FNIP2: variants seen among roughly 807,000 people sequenced by gnomAD.
FNIP2 encodes folliculin-interacting protein 2.
FNIP2 carries 32 observed loss-of-function variants against 108.7 expected under a neutral mutation model. That is an observed-to-expected ratio of 0.29 (90% CI 0.22 to 0.40). The LOEUF (loss-of-function observed/expected upper bound fraction) is 0.40. FNIP2 is among the 10% of genes least tolerant of loss of function. The probability of loss-of-function intolerance (pLI) is 1.00; values close to 1 mark genes in which losing one functional copy is unlikely to be tolerated. For synonymous variants in FNIP2, 480 were observed against 496.7 expected (o/e 0.97, Z 0.45); for missense variants, 1,202 against 1,381.6 (o/e 0.87, Z 2.06).
In FNIP2 at chr4:158,907,757, T is replaced by A. The variant is rs1254155413; in HGVS notation, c.*3213T>A. On this transcript the variant is annotated 3_prime_UTR_variant, in exon 17 of 17. Coordinates refer to ENST00000264433, the MANE Select transcript of FNIP2 (RefSeq NM_020840.3). ...AGGGTATTTTAATATAATTTTTGCC[T>A]AAATCAAGAAGTCCCCTCTGAATGT... is the stretch of plus-strand genomic sequence containing the variant. 6.6e-6 allele frequency: 1 copy of A among 152,210 alleles called. No individual in the cohort carries two copies. Among genetic ancestry groups the A allele is most frequent in the Non-Finnish European group, 1.5e-5 (1 of 68,022 alleles). The allele number at this position is 152,210 out of a possible 1,614,324, so 9.4% of individuals were successfully genotyped here. A position where few individuals can be genotyped will look rare whatever the true frequency, so the allele number is the denominator to read the frequency against.
intron 7 of FNIP2, chr4:158,835,754 A>C: frequency 4.0e-6 from 1 of 248,996 alleles, no homozygotes; most frequent in East Asian, 9.3e-5. Context: ...AGCCCATTGT[A>C]CTAGTAATGT....
intron 1 of FNIP2, among the ~76,000 whole-genome samples, chr4:158,811,237 T>TA (rs1391556174): frequency 3.3e-5 from 5 of 152,334 alleles, no homozygotes; most frequent in Non-Finnish European, 7.4e-5. Flanking sequence ...AAAGGTTTTT[T>TA]AAAAAAACTA....
intron 7 of FNIP2, among the ~76,000 whole-genome samples, chr4:158,847,668 T>C (rs1260896502): frequency 6.6e-6 from 1 of 151,964 alleles, no homozygotes; most frequent in Non-Finnish European, 1.5e-5. Flanking sequence ...AGGTTGGCCA[T>C]AGTGGGGTAG....
intron 3 of FNIP2, among the ~76,000 whole-genome samples, chr4:158,831,479 C>G (rs1778479240): frequency 6.6e-6 from 1 of 152,118 alleles, no homozygotes; most frequent in Non-Finnish European, 1.5e-5. Context: ...AATACCGAAC[C>G]ATATTTTTTT....
rs1366653918 is a variant in FNIP2 at position 158,859,398 on chromosome 4, G to C, written c.1059+140G>C. ...AGCAGTGATAAATTTTAGGCATGTT[G>C]ATGTTAGTTACCAGATACTGGGTTA... On this transcript the variant is annotated intron_variant, in intron 9 of 16. Coordinates refer to ENST00000264433, the MANE Select transcript of FNIP2 (RefSeq NM_020840.3). The C allele has an allele frequency of 6.3e-6, 7 of 1,104,826 alleles. No homozygotes were observed. The East Asian group carries it at 1.8e-4, about 29-fold the overall frequency. 68.4% of individuals were successfully genotyped at this position (1,104,826 alleles called of 1,614,324 possible).
intron 7 of FNIP2, among the ~76,000 whole-genome samples, chr4:158,845,857 G>A (rs1165603465): frequency 1.3e-5 from 2 of 152,136 alleles, no homozygotes; most frequent in South Asian, 2.1e-4. Context: ...ATGAGGAAAC[G>A]CTGGATAGCA....
chr4:158,805,064 C>G (rs1051645414), intron 1 of FNIP2, among the ~76,000 whole-genome samples: 4 of 152,180 alleles, frequency 2.6e-5, no homozygotes, highest in Admixed American at 6.5e-5. Flanking sequence ...TAGTTTTTCT[C>G]ACACTCATGG....
rs1269225175 is a variant in FNIP2, at chr4:158,868,811, A to G, written c.2175A>G (p.Ala725=). Reference sequence around the variant, plus strand: ...TCACTTTCCAGATTGGAAGCTTTGCATCTCCAGAGTCTGACTTTGAAAGCC... The same window carrying G: ...TCACTTTCCAGATTGGAAGCTTTGCGTCTCCAGAGTCTGACTTTGAAAGCC... ...EKVTFQIGSF[A]SPESDFESRM... The change falls in exon 13 of 17, where the codon GCA becomes GCG. Residue 725 remains alanine, a synonymous_variant. Transcript: ENST00000264433. This position sits in a 1 kb window ranked among gnomAD's most constrained non-coding sequence, Gnocchi z 4.6. The G allele has an allele frequency of 4.3e-6, 7 of 1,613,614 alleles. No homozygotes were observed. Among genetic ancestry groups the G allele is most frequent in the Non-Finnish European group, 5.9e-6 (7 of 1,179,898 alleles).
chr4:158,782,927 G>A (rs1776102546), intron 1 of FNIP2, among the ~76,000 whole-genome samples: 1 of 152,182 alleles, frequency 6.6e-6, no homozygotes, highest in Non-Finnish European at 1.5e-5. Flanking sequence ...AAGCAGTCTA[G>A]TTCCAGTAGG....
chr4:158,825,802 A>C lies in FNIP2; in HGVS notation c.108-114A>C, dbSNP rs551688072. The C allele has an allele frequency of 2.3e-4, 293 of 1,288,158 alleles. No homozygotes were observed. In the South Asian group the frequency reaches 2.9e-3, roughly 13 times the overall value. The allele number at this position is 1,288,158 out of a possible 1,614,324, so 79.8% of individuals were successfully genotyped here. On this transcript the variant is annotated intron_variant, in intron 1 of 16. Coordinates refer to ENST00000264433, the MANE Select transcript of FNIP2 (RefSeq NM_020840.3). ...GTTCTGAGGGGATCACTAGCCCTGCATGCTTGTGGCCTTTTGATGTGCACA... is the reference window on the plus strand; with the variant it reads ...GTTCTGAGGGGATCACTAGCCCTGCCTGCTTGTGGCCTTTTGATGTGCACA...
At chr4:158,810,722 G>T (rs1777223772) in intron 1 of FNIP2, among the ~76,000 whole-genome samples, 1 of 152,162 alleles carries the variant, frequency 6.6e-6, no homozygotes. Flanking sequence ...ACATAACAGG[G>T]TAAAGCACTT....
intron 16 of FNIP2, among the ~76,000 whole-genome samples, chr4:158,902,716 C>A (rs1056232434): frequency 6.6e-6 from 1 of 152,244 alleles, no homozygotes; most frequent in African/African-American, 2.4e-5. Context: ...CAGTCTGGCC[C>A]CAGTGGCCTT....
intron 1 of FNIP2, among the ~76,000 whole-genome samples, chr4:158,809,745 A>T (rs1045592305): frequency 6.6e-6 from 1 of 152,228 alleles, no homozygotes; most frequent in African/African-American, 2.4e-5. Flanking sequence ...AAAGGAACTG[A>T]AACAGAGCAC....
chr4:158,881,733 G>A (rs530818428), intron 14 of FNIP2, among the ~76,000 whole-genome samples: 2 of 152,322 alleles, frequency 1.3e-5, no homozygotes, highest in South Asian at 2.1e-4. Context: ...GATTGCAGAC[G>A]GAGTCTCGTT....
At chr4:158,791,623 G>A (rs1003041184) in intron 1 of FNIP2, among the ~76,000 whole-genome samples, 7 of 152,116 alleles carry the variant, frequency 4.6e-5, no homozygotes, top group African/African-American at 1.7e-4. Context: ...TGGTATGTTT[G>A]TAATACCAGA....
chr4:158,876,630 G>C (rs905759603), intron 14 of FNIP2, among the ~76,000 whole-genome samples: 1 of 152,202 alleles, frequency 6.6e-6, no homozygotes, highest in Non-Finnish European at 1.5e-5. Context: ...CTCTACTAGG[G>C]CTTCAGGTGC....
chr4:158,882,397 G>A (rs534241626), intron 14 of FNIP2, among the ~76,000 whole-genome samples: 3 of 149,276 alleles, frequency 2.0e-5, no homozygotes, highest in South Asian at 2.1e-4. Context: ...GCCTCCGCCC[G>A]GCCACCACCC....
intron 2 of FNIP2, among the ~76,000 whole-genome samples, chr4:158,826,353 T>C (rs1042397091): frequency 4.6e-5 from 7 of 152,214 alleles, no homozygotes; most frequent in African/African-American, 1.7e-4. Flanking sequence ...TGATGCCAAG[T>C]GAGTGCCTCA....
intron 7 of FNIP2, among the ~76,000 whole-genome samples, chr4:158,838,088 T>TA (rs1331259461): frequency 6.6e-6 from 1 of 152,216 alleles, no homozygotes; most frequent in African/African-American, 2.4e-5. Context: ...TTCATCTCCT[T>TA]ATACCCATCT....
Sources: allele counts gnomAD v4.1 joint callset (sites outside exome capture counted in the v4.1 genomes callset), GRCh38; gene constraint gnomAD v4.1.1; non-coding constraint Gnocchi (gnomAD v3.1); transcripts MANE v1.5; gene names NCBI Gene and HGNC (gene_info 2026-07-23, HGNC 2026-07-21).